Variants in SAMD8 observed in about 807,000 individuals in gnomAD.
SAMD8 encodes the protein sterile alpha motif domain containing 8.
In SAMD8, 20 loss-of-function variants were observed where a neutral mutation model predicts 42.0. The ratio of observed to expected loss-of-function variants is 0.48; its 90% confidence interval spans 0.34 to 0.69. The LOEUF (loss-of-function observed/expected upper bound fraction) is 0.69, where lower values mean the gene tolerates loss of function less well. Ranked by LOEUF, SAMD8 falls within the 30% of genes least tolerant of loss-of-function variation. The probability of loss-of-function intolerance (pLI) is 0.01; values close to 1 mark genes in which losing one functional copy is unlikely to be tolerated. For synonymous variants in SAMD8, 162 were observed against 173.0 expected (o/e 0.94, Z 0.50); for missense variants, 328 against 511.6 (o/e 0.64, Z 3.46).
intron 1 of SAMD8, among the ~76,000 whole-genome samples, chr10:75,116,956 C>T (rs770290065): frequency 3.9e-5 from 6 of 151,992 alleles, no homozygotes; most frequent in Admixed American, 6.6e-5. Context: ...ATTACAGGCG[C>T]GTGCCACCAT....
intron 1 of SAMD8, among the ~76,000 whole-genome samples, chr10:75,122,933 C>G (rs910403879): frequency 2.0e-5 from 3 of 152,056 alleles, no homozygotes; most frequent in Non-Finnish European, 4.4e-5. Context: ...ATTGAACCAG[C>G]CTTGCATCCC....
chr10:75,102,909 G>A (rs903113448), intron 1 of SAMD8, among the ~76,000 whole-genome samples: 7 of 152,124 alleles, frequency 4.6e-5, no homozygotes, highest in African/African-American at 9.7e-5. Flanking sequence ...CTGAGATCAC[G>A]CCATTGCACT....
At chr10:75,116,167 A>G (rs1372639918) in intron 1 of SAMD8, among the ~76,000 whole-genome samples, 5 of 151,900 alleles carry the variant, frequency 3.3e-5, no homozygotes, top group African/African-American at 1.2e-4. Flanking sequence ...TGGCGCGATC[A>G]TGGCTTATGC....
intron 1 of SAMD8, among the ~76,000 whole-genome samples, chr10:75,122,860 G>A (rs1849036394): frequency 6.6e-6 from 1 of 151,916 alleles, no homozygotes. Context: ...TTATTTATAT[G>A]CTCCTGTGTT....
chr10:75,146,703 A>G (rs921636690), intron 1 of SAMD8, among the ~76,000 whole-genome samples: 1 of 152,128 alleles, frequency 6.6e-6, no homozygotes, highest in African/African-American at 2.4e-5. Context: ...CAGATCATTT[A>G]TTTGTATTAA....
chr10:75,126,037 C>T (rs1294187852), intron 1 of SAMD8, among the ~76,000 whole-genome samples: 1 of 152,204 alleles, frequency 6.6e-6, no homozygotes, highest in Non-Finnish European at 1.5e-5. Context: ...TGATGGTTCA[C>T]CACTGTTTCC....
chr10:75,163,757 C>A (rs1240864420), intron 2 of SAMD8, among the ~76,000 whole-genome samples: 1 of 152,020 alleles, frequency 6.6e-6, no homozygotes, highest in East Asian at 1.9e-4. Context: ...CTCTTTCTTT[C>A]TTTTTCTCTC....
intron 1 of SAMD8, among the ~76,000 whole-genome samples, chr10:75,126,649 G>A (rs1347078202): frequency 4.6e-5 from 7 of 151,434 alleles, no homozygotes; most frequent in Non-Finnish European, 8.8e-5. Context: ...CTATAGGCAC[G>A]TGCCACCACG....
In SAMD8 at chr10:75,150,972, A is replaced by T; in HGVS notation, c.444A>T (p.Glu148Asp). Residue 148 changes from glutamate to aspartate, a missense_variant, in exon 2 of 6, where the codon GAA becomes GAT. Glu to Asp is a conservative substitution (Grantham distance 45). Transcript: ENST00000542569. ...NKHSVRRLDP[E>D]YWKTILSCIY... ...ATTCTGTTCGAAGATTGGACCCAGA[A>T]TACTGGAAGACTATACTGAGTTGTA... The T allele has an allele frequency of 6.2e-7, 1 of 1,613,418 alleles. No homozygotes were observed. Among genetic ancestry groups the T allele is most frequent in the Middle Eastern group, 1.7e-4 (1 of 6,052 alleles).
At chr10:75,129,391 C>T (rs1197153067) in intron 1 of SAMD8, among the ~76,000 whole-genome samples, 1 of 152,086 alleles carries the variant, frequency 6.6e-6, no homozygotes, top group Non-Finnish European at 1.5e-5. Flanking sequence ...CAGGCATGCA[C>T]CACCACACCC....
Position 75,164,756 on chromosome 10 carries a change from A to G in SAMD8, c.674+16A>G, listed in dbSNP as rs370896113. On this transcript the variant is annotated intron_variant, in intron 3 of 5. Coordinates refer to ENST00000542569, the MANE Select transcript of SAMD8 (RefSeq NM_001174156.2). ...ACAAGCACAGGTACCTCATTACTCC[A>G]TTAAATGACTGAAAATGTTTTGACT... The G allele has an allele frequency of 1.1e-5, 17 of 1,555,454 alleles. No homozygotes were observed. Among genetic ancestry groups the G allele is most frequent in the Non-Finnish European group, 1.4e-5 (16 of 1,127,160 alleles).
chr10:75,103,005 C>T (rs7901650), intron 1 of SAMD8, among the ~76,000 whole-genome samples: 14,531 of 151,776 alleles, frequency 0.096, 884 homozygotes, highest in East Asian at 0.21. Flanking sequence ...CCCTCCTACT[C>T]GGGAAGCTGA....
intron 1 of SAMD8, among the ~76,000 whole-genome samples, chr10:75,118,620 G>C (rs946193983): frequency 1.3e-5 from 2 of 152,108 alleles, no homozygotes; most frequent in Non-Finnish European, 2.9e-5. Context: ...TTCCAGCCTG[G>C]GCGACAGAGC....
chr10:75,167,691 C>T (rs1840721275), intron 3 of SAMD8, among the ~76,000 whole-genome samples: 1 of 152,190 alleles, frequency 6.6e-6, no homozygotes, highest in South Asian at 2.1e-4. Context: ...CTCCCAGGCC[C>T]AAGCAACCCT....
chr10:75,111,109 G>A (rs1384935163), upstream of SAMD8, among the ~76,000 whole-genome samples: 1 of 152,168 alleles, frequency 6.6e-6, no homozygotes, highest in Non-Finnish European at 1.5e-5. Context: ...CTCCGCTCCC[G>A]GCCTTAGCAC....
Position 75,150,636 on chromosome 10 carries a change from G to A in SAMD8, c.108G>A (p.Lys36=), listed in dbSNP as rs1332458513. Residue 36 remains lysine, a synonymous_variant, in exon 2 of 6, where the codon AAG becomes AAA. Coordinates refer to ENST00000542569, the MANE Select transcript of SAMD8 (RefSeq NM_001174156.2). ...AATATGTGGACATTTTATGCAATAA[G>A]CACCGACTTGATGGAATCACATTGC... ...FFEYVDILCN[K]HRLDGITLLT... 8 of 1,614,060 alleles carry A rather than the reference G, an allele frequency of 5.0e-6. No homozygotes were observed. The highest frequency in any genetic ancestry group is 5.9e-6 in the Non-Finnish European group (7 of 1,180,040).
chr10:75,158,453 G>C (rs1049182168), intron 2 of SAMD8, among the ~76,000 whole-genome samples: 1 of 151,872 alleles, frequency 6.6e-6, no homozygotes, highest in Non-Finnish European at 1.5e-5. Flanking sequence ...TTAGCCGGGC[G>C]TGGTGGCATG....
intron 1 of SAMD8, among the ~76,000 whole-genome samples, chr10:75,129,105 T>C (rs960844522): frequency 6.6e-6 from 1 of 151,830 alleles, no homozygotes; most frequent in African/African-American, 2.4e-5. Context: ...AGATATTTAT[T>C]ATATCTTCTT....
At chr10:75,139,516 G>T (rs1435478963) in intron 1 of SAMD8, among the ~76,000 whole-genome samples, 2 of 152,116 alleles carry the variant, frequency 1.3e-5, no homozygotes, top group Admixed American at 6.6e-5. Flanking sequence ...CTTTTCAAAA[G>T]ATATTTAATA....
Sources: gnomAD v4.1 joint callset for allele counts (sites outside exome capture counted in the v4.1 genomes callset) on GRCh38, gnomAD v4.1.1 for gene constraint, MANE v1.5 for transcripts, NCBI Gene and HGNC (gene_info 2026-07-23, HGNC 2026-07-21) for gene names.